The following OTUD7B variants were observed in gnomAD, a reference collection of about 807,000 sequenced individuals.
OTUD7B encodes the protein OTU domain-containing protein 7B.
OTUD7B carries 34 observed loss-of-function variants against 82.2 expected under a neutral mutation model. The ratio of observed to expected loss-of-function variants is 0.41; its 90% CI spans 0.31 to 0.55. The LOEUF is 0.55. Among genes scored for constraint, OTUD7B ranks in the 20% least tolerant of loss-of-function variants. The pLI is 0.20. For missense variants in OTUD7B, 944 were observed against 1,062.1 expected (o/e 0.89, Z 1.55); for synonymous variants, 398 against 402.7 (o/e 0.99, Z 0.14).
At chr1:149,954,506 C>A (rs1648510525) in intron 7 of OTUD7B, among the ~76,000 whole-genome samples, 2 of 152,210 alleles carry the variant, frequency 1.3e-5, no homozygotes, top group East Asian at 1.9e-4. Flanking sequence ...GTCTAAAATT[C>A]TCTTTTTTTG....
At chr1:149,949,512 A>T in intron 9 of OTUD7B, 117 bp downstream of exon 9, 1 of 1,074,792 alleles carries the variant, frequency 9.3e-7, no homozygotes, top group South Asian at 1.7e-5. Flanking sequence ...TTAATAAAAC[A>T]GTATCAACAT....
chr1:149,963,594 G>A (rs908955192), intron 6 of OTUD7B: 3 of 147,842 alleles, frequency 2.0e-5, no homozygotes, highest in Non-Finnish European at 4.5e-5. Context: ...CATAGTTTGC[G>A]CAACCCGTTT....
At chr1:150,010,117 T>C (rs1386435444) in intron 1 of OTUD7B, among the ~76,000 whole-genome samples, 1 of 152,120 alleles carries the variant, frequency 6.6e-6, no homozygotes, top group Admixed American at 6.5e-5. Flanking sequence ...TGCATCTTAA[T>C]CACCTTAAAA....
chr1:150,013,076 C>T (rs1553787810), upstream of OTUD7B, among the ~76,000 whole-genome samples: 1 of 152,202 alleles, frequency 6.6e-6, no homozygotes, highest in East Asian at 1.9e-4. Context: ...ACATTGGCAG[C>T]AGCCAGAACA....
intron 7 of OTUD7B, among the ~76,000 whole-genome samples, chr1:149,956,888 G>A (rs1196756948): frequency 2.0e-5 from 3 of 152,112 alleles, no homozygotes; most frequent in African/African-American, 7.2e-5. Context: ...GCTCCATCAG[G>A]TCGTTTAAGG....
chr1:149,960,604 G>C (rs140651129), intron 6 of OTUD7B, among the ~76,000 whole-genome samples: 1 of 151,220 alleles, frequency 6.6e-6, no homozygotes, highest in African/African-American at 2.4e-5. Flanking sequence ...GGCTGGTCTC[G>C]AACTCCTGAC....
At chr1:150,016,137 G>T in the OTUD7B span, among the ~76,000 whole-genome samples, 7,912 of 152,046 alleles carry the variant, frequency 0.052, 703 homozygotes, top group African/African-American at 0.18. Flanking sequence ...CTTGTTATAT[G>T]GGATAAATGC....
At chr1:150,016,181 GT>G in the OTUD7B span, among the ~76,000 whole-genome samples, 3 of 152,120 alleles carry the variant, frequency 2.0e-5, no homozygotes, top group Admixed American at 6.5e-5. Flanking sequence ...TTCAAATTTA[GT>G]CTTTCTATTG....
the OTUD7B span, among the ~76,000 whole-genome samples, chr1:150,042,120 TC>T: frequency 1.3e-4 from 2 of 15,992 alleles, no homozygotes; most frequent in Non-Finnish European, 2.7e-4. Flanking sequence ...CCTCCCTCCC[TC>T]CCTCCCTCCC....
intron 2 of OTUD7B, among the ~76,000 whole-genome samples, chr1:149,972,739 T>C (rs1553777858): frequency 1.3e-5 from 2 of 152,172 alleles, no homozygotes; most frequent in East Asian, 1.9e-4. Flanking sequence ...TCAATAAATA[T>C]TTGTTGAATT....
rs188935185 is a variant in OTUD7B at position 149,987,623 on chromosome 1, C to T, written c.-66-10047G>A. Among the ~76,000 whole-genome samples the T allele has an allele frequency of 2.6e-3, 398 of 152,326 alleles. 2 individuals carry two copies. The highest frequency in any genetic ancestry group is 9.0e-3 in the African/African-American group (375 of 41,566). ...TTCATTTCCATACACTCTCACTCCA[C>T]TGGTGCCCAACATAGCCCCCTCCCT... On this transcript the variant is annotated intron_variant, in intron 1 of 11. Transcript: ENST00000581312.
intron 9 of OTUD7B, 63 bp from the exon 10 acceptor site, chr1:149,949,146 A>T: frequency 1.0e-6 from 1 of 952,704 alleles, no homozygotes; most frequent in Non-Finnish European, 1.7e-6. Context: ...CTGAACACAG[A>T]CTTATTTCAC....
At chr1:150,032,463 C>CAAAAAAAAAAAA in the OTUD7B span, among the ~76,000 whole-genome samples, 1 of 1,802 alleles carries the variant, frequency 5.5e-4, no homozygotes. Context: ...AACCTGTCTA[C>CAAAAAAAAAAAA]AGAAAAAAAA....
Position 149,959,680 on chromosome 1 carries a change from T to C in OTUD7B, c.845+4A>G. 6.3e-7 allele frequency: 1 copy of C among 1,594,214 alleles called. No homozygotes were observed. Among genetic ancestry groups the C allele is most frequent in the Non-Finnish European group, 8.6e-7 (1 of 1,161,898 alleles). On this transcript the variant is annotated splice_donor_region_variant and intron_variant, in intron 7 of 11. Transcript: ENST00000581312. ...TTCCTCCTCCCCTACTTAGCCATAC[T>C]TACCCACCACAGTTGGCTCCATTGG...
Position 149,967,544 on chromosome 1 carries a change from C to T in OTUD7B, c.275-23G>A, listed in dbSNP as rs1482162662. On this transcript the variant is annotated intron_variant, in intron 3 of 11. Coordinates refer to ENST00000581312, the MANE Select transcript of OTUD7B (RefSeq NM_020205.4). ...TTTCTGCAATGAGAAATGGAGTCACCTTAGAACATACACAGCCCACTTGGA... is the reference window on the plus strand; with the variant it reads ...TTTCTGCAATGAGAAATGGAGTCACTTTAGAACATACACAGCCCACTTGGA... The T allele has an allele frequency of 5.8e-6, 9 of 1,553,260 alleles. No homozygotes were observed. In the African/African-American group the frequency reaches 1.1e-4, roughly 19 times the overall value.
intron 11 of OTUD7B, among the ~76,000 whole-genome samples, chr1:149,946,763 A>G (rs1183485065): frequency 0.36 from 809 of 2,250 alleles, 161 homozygotes; most frequent in Middle Eastern, 0.5. Context: ...AAAAAAAAGG[A>G]CAGGAAAGGC....
At chr1:150,009,246 A>T (rs1454762255) in intron 1 of OTUD7B, among the ~76,000 whole-genome samples, 2 of 152,048 alleles carry the variant, frequency 1.3e-5, no homozygotes, top group Admixed American at 6.6e-5. Flanking sequence ...TAGGAAGAAA[A>T]TTTTCTACAT....
At chr1:150,064,711 C>G in the OTUD7B span, among the ~76,000 whole-genome samples, 4 of 152,078 alleles carry the variant, frequency 2.6e-5, no homozygotes, top group Admixed American at 1.3e-4. Context: ...CAATTGTTAT[C>G]AAGTAGGAAA....
At chr1:150,015,145 G>T (rs1312217151), upstream of OTUD7B, among the ~76,000 whole-genome samples, 1 of 152,052 alleles carries the variant, frequency 6.6e-6, no homozygotes, top group Admixed American at 6.6e-5. Flanking sequence ...CAGCCATTTG[G>T]CAAATGAAAG....
Sources: allele counts gnomAD v4.1 joint callset (sites outside exome capture counted in the v4.1 genomes callset), GRCh38; gene constraint gnomAD v4.1.1; transcripts MANE v1.5; gene names NCBI Gene and HGNC (gene_info 2026-07-23, HGNC 2026-07-21).